Variants in NLRC5 observed in about 807,000 individuals in gnomAD.
NLRC5 encodes NLR family CARD domain containing 5, also known as protein NLRC5.
NLRC5 carries 114 observed loss-of-function variants against 206.9 expected under a neutral mutation model. That is an observed-to-expected ratio of 0.55 (90% CI 0.47 to 0.64). NLRC5 has a LOEUF of 0.64. Among genes scored for constraint, NLRC5 ranks in the 30% least tolerant of loss-of-function variants. The pLI is 0.00. For synonymous variants in NLRC5, 952 were observed against 962.8 expected, an observed-to-expected ratio of 0.99 and a Z score of 0.21; for missense variants, 2,008 against 2,305.5, an observed-to-expected ratio of 0.87 and a Z score of 2.64.
Position 57,073,813 on chromosome 16 carries a change from C to T in NLRC5, c.4668-787C>T, listed in dbSNP as rs28715731. On this transcript the variant is annotated intron_variant, in intron 38 of 48. Coordinates refer to ENST00000688547, the MANE Select transcript of NLRC5 (RefSeq NM_001384950.1). ...TTCACTTTGTTGGCCAGGCTGGTCT[C>T]GAACTCCTGACCTCAGGTGATTCAC... Among the ~76,000 whole-genome samples, 1,271 of 152,272 alleles carry T rather than the reference C, an allele frequency of 8.3e-3. 15 individuals are homozygous for T. The highest frequency in any genetic ancestry group is 0.024 in the African/African-American group (977 of 41,548).
At chr16:57,055,378 G>T (rs2065493281) in intron 26 of NLRC5, 55 bp from the exon 27 acceptor site, 6 of 1,536,972 alleles carry the variant, frequency 3.9e-6, no homozygotes, top group Non-Finnish European at 5.4e-6. Context: ...AGGCCGGAGG[G>T]GGTCTCAGTG....
At chr16:57,008,680 A>G (rs1488751619) in intron 1 of NLRC5, among the ~76,000 whole-genome samples, 1 of 152,184 alleles carries the variant, frequency 6.6e-6, no homozygotes, top group Non-Finnish European at 1.5e-5. Context: ...TCTACTTAGC[A>G]CATAAGTATT....
chr16:57,048,289 C>T (rs1398975721), intron 23 of NLRC5: 2 of 152,316 alleles, frequency 1.3e-5, no homozygotes, highest in Non-Finnish European at 2.9e-5. Flanking sequence ...GGACTGTCTA[C>T]TCCTTGCCTA....
At chr16:57,020,401 C>A (rs1437617611) in intron 2 of NLRC5, among the ~76,000 whole-genome samples, 3 of 147,752 alleles carry the variant, frequency 2.0e-5, no homozygotes, top group African/African-American at 7.5e-5. Context: ...ACCTGTCCCC[C>A]AGTTCATCTT....
At chr16:57,051,456 C>A in intron 23 of NLRC5, 82 bp from the exon 24 acceptor site, 1 of 1,012,766 alleles carries the variant, frequency 9.9e-7, no homozygotes, top group Non-Finnish European at 1.6e-6. Context: ...GGTCCCATCT[C>A]CAGAAGGCTC....
At chr16:57,019,826 A>G (rs947651987) in intron 2 of NLRC5, among the ~76,000 whole-genome samples, 2 of 152,214 alleles carry the variant, frequency 1.3e-5, no homozygotes, top group Admixed American at 6.5e-5. Context: ...ATACTGAGGA[A>G]GAAGGGAAGA....
intron 1 of NLRC5, among the ~76,000 whole-genome samples, chr16:57,016,579 C>A (rs2060126180): frequency 6.6e-6 from 1 of 152,160 alleles, no homozygotes; most frequent in Admixed American, 6.5e-5. Flanking sequence ...GCTATCAATG[C>A]CTCCAGGTCT....
intron 1 of NLRC5, among the ~76,000 whole-genome samples, chr16:56,999,084 T>C (rs1426917001): frequency 6.6e-6 from 1 of 152,238 alleles, no homozygotes; most frequent in African/African-American, 2.4e-5. Flanking sequence ...GACTTTTCAT[T>C]GTATCCTCAC....
Position 57,037,252 on chromosome 16 carries a change from T to A in NLRC5, c.2769T>A (p.Ser923Arg). ...TGCATTGTGTGCTGAGGGCCGTGAG[T>A]GCGTGCTGGACCCTGGCAGAGCTGC... ...AGVHCVLRAV[S>R]ACWTLAELHI... Residue 923 changes from serine (S) to arginine (R), a missense_variant, in exon 15 of 49, where the codon AGT becomes AGA. Coordinates refer to ENST00000688547, the MANE Select transcript of NLRC5 (RefSeq NM_001384950.1). 1 of 1,613,624 alleles carries A rather than the reference T, an allele frequency of 6.2e-7. No homozygotes were observed.
intron 32 of NLRC5, among the ~76,000 whole-genome samples, chr16:57,064,449 A>C (rs538300735): frequency 6.6e-6 from 1 of 152,290 alleles, no homozygotes; most frequent in African/African-American, 2.4e-5. Flanking sequence ...TTAAACAACC[A>C]CCATGAACAT....
At chr16:57,060,786 C>T (rs546266542) in intron 30 of NLRC5, among the ~76,000 whole-genome samples, 49 of 152,360 alleles carry the variant, frequency 3.2e-4, no homozygotes, top group African/African-American at 1.1e-3. Context: ...TTCTCCCAAT[C>T]CTTTAACACC....
At chr16:57,035,918 T>G (rs763117561) in intron 13 of NLRC5, among the ~76,000 whole-genome samples, 182 bp from the exon 14 acceptor site, 7 of 152,194 alleles carry the variant, frequency 4.6e-5, no homozygotes, top group Non-Finnish European at 1.0e-4. Context: ...AATAGGCCAA[T>G]AGTCATAGAA....
chr16:57,025,493 G>C lies in NLRC5; in HGVS notation c.550G>C (p.Ala184Pro), dbSNP rs780366196. The C allele has an allele frequency of 6.2e-7, 1 of 1,613,464 alleles. No individual in the cohort carries two copies. The highest frequency in any genetic ancestry group is 1.1e-5 in the South Asian group (1 of 90,976). Residue 184 changes from alanine (A) to proline (P), a missense_variant, in exon 6 of 49, where the codon GCC (alanine) becomes CCC (proline). Ala to Pro is a conservative substitution (Grantham distance 27, BLOSUM62 -1). Transcript: ENST00000688547. Reference protein sequence around the residue: ...QVYVPPILRRATASLDTPEGA... With the variant: ...QVYVPPILRRPTASLDTPEGA... ...CTATGTCCCTCCAATCCTGCGCCGG[G>C]CCACAGCATCCTTAGACACTCCGGA... is the stretch of plus-strand genomic sequence containing the variant.
In NLRC5 at chr16:57,047,637, C is replaced by T. The variant is rs367767151; in HGVS notation, c.3422+9C>T. 1.0e-4 allele frequency: 169 copies of T among 1,609,834 alleles called. 1 individual carries two copies. The highest frequency in any genetic ancestry group is 6.0e-4 in the African/African-American group (45 of 74,998). ...GGACCCCTGGAACTGCAGTAAGTAA[C>T]GAGGACACAGCCCCAGAGGGCACCA... On this transcript the variant is annotated intron_variant, in intron 23 of 48. Coordinates refer to ENST00000688547, the MANE Select transcript of NLRC5 (RefSeq NM_001384950.1).
At chr16:57,074,540 C>G (rs1411287137) in intron 38 of NLRC5, 60 bp from the exon 39 acceptor site, 1 of 1,489,156 alleles carries the variant, frequency 6.7e-7, no homozygotes, top group African/African-American at 1.4e-5. Flanking sequence ...GCCTCAGACC[C>G]CCAGACTGGA....
intron 5 of NLRC5, among the ~76,000 whole-genome samples, chr16:57,024,890 G>A (rs1470471791): frequency 6.6e-6 from 1 of 152,054 alleles, no homozygotes; most frequent in African/African-American, 2.4e-5. Context: ...TGCACCTGTA[G>A]TCCCAGCTAC....
Position 57,055,423 on chromosome 16 carries a change from C to A in NLRC5, c.3660-10C>A. 9.9e-6 allele frequency: 16 copies of A among 1,613,436 alleles called. No homozygotes were observed. Among genetic ancestry groups the A allele is most frequent in the Non-Finnish European group, 1.4e-5 (16 of 1,179,546 alleles). The stretch of plus-strand genomic sequence containing the variant: ...CCCATCCCCTGCTTGTCCCCTTTAC[C>A]TCCGTCCAGCAGGTTCACAGGCTGC... On this transcript the variant is annotated splice_polypyrimidine_tract_variant and intron_variant, in intron 26 of 48. Transcript: ENST00000688547.
At chr16:56,992,989 G>A (rs974107705) in intron 1 of NLRC5, among the ~76,000 whole-genome samples, 15 of 147,328 alleles carry the variant, frequency 1.0e-4, no homozygotes, top group Non-Finnish European at 2.0e-4. Context: ...TCCATCTCCT[G>A]TCTCCCAGCC....
chr16:56,998,204 T>A (rs1220963615), intron 1 of NLRC5, among the ~76,000 whole-genome samples: 1 of 151,878 alleles, frequency 6.6e-6, no homozygotes. Context: ...CTTTTTTTTT[T>A]TTTTTTTACT....
Sources: gnomAD v4.1 joint callset for allele counts (sites outside exome capture counted in the v4.1 genomes callset) on GRCh38, gnomAD v4.1.1 for gene constraint, MANE v1.5 for transcripts, NCBI Gene and HGNC (gene_info 2026-07-23, HGNC 2026-07-21) for gene names.